The following ITGA9 variants were observed in gnomAD, a reference collection of about 807,000 sequenced individuals.
ITGA9 encodes the protein integrin alpha-9.
Under a neutral mutation model 127.8 loss-of-function variants are expected in ITGA9, and 56 were observed. That is an observed-to-expected ratio of 0.44 (90% CI 0.35 to 0.55). The LOEUF is 0.55. Among genes scored for constraint, ITGA9 ranks in the 20% least tolerant of loss-of-function variants. The probability of loss-of-function intolerance (pLI) is 0.00; values close to 1 mark genes in which losing one functional copy is unlikely to be tolerated. For missense variants in ITGA9, 1,196 were observed against 1,347.1 expected (o/e 0.89, Z 1.76); for synonymous variants, 508 against 514.5 (o/e 0.99, Z 0.17).
chr3:37,662,257 G>A (rs1040365465), intron 17 of ITGA9, among the ~76,000 whole-genome samples: 1 of 152,198 alleles, frequency 6.6e-6, no homozygotes, highest in African/African-American at 2.4e-5. Context: ...ACAAAAATTA[G>A]CCAGGCGTGG....
intron 18 of ITGA9, among the ~76,000 whole-genome samples, chr3:37,697,390 G>C (rs1171183181): frequency 6.6e-6 from 1 of 151,146 alleles, no homozygotes; most frequent in Admixed American, 6.6e-5. Context: ...CAACGTGCAG[G>C]TTTGTTACAT....
intron 17 of ITGA9, among the ~76,000 whole-genome samples, chr3:37,668,800 G>T (rs1464524643): frequency 6.6e-6 from 1 of 152,238 alleles, no homozygotes; most frequent in Non-Finnish European, 1.5e-5. Flanking sequence ...AGGCTGCCCT[G>T]TGGCTCTTCA....
At chr3:37,813,278 T>A (rs939114591) in intron 27 of ITGA9, among the ~76,000 whole-genome samples, 11 of 152,250 alleles carry the variant, frequency 7.2e-5, no homozygotes, top group African/African-American at 2.4e-4. Context: ...AAACCCATCA[T>A]AAAGTCAAAA....
At chr3:37,514,405 A>G (rs960769275) in intron 9 of ITGA9, among the ~76,000 whole-genome samples, 4 of 152,142 alleles carry the variant, frequency 2.6e-5, no homozygotes, top group Non-Finnish European at 5.9e-5. Flanking sequence ...GGAGGACACA[A>G]TGGCTGGGGA....
chr3:37,676,641 C>T (rs943563504), intron 17 of ITGA9, among the ~76,000 whole-genome samples: 5 of 152,224 alleles, frequency 3.3e-5, no homozygotes, highest in Non-Finnish European at 5.9e-5. Flanking sequence ...TTTTTAATAT[C>T]TTCACTTTGG....
intron 27 of ITGA9, 76 bp downstream of exon 27, chr3:37,804,018 A>T: frequency 1.2e-6 from 2 of 1,606,686 alleles, no homozygotes; most frequent in Non-Finnish European, 1.7e-6. Context: ...CCAGGGAAGA[A>T]GGAGTATCCT....
chr3:37,558,940 A>C (rs1225920056), intron 15 of ITGA9, among the ~76,000 whole-genome samples: 3 of 151,994 alleles, frequency 2.0e-5, no homozygotes, highest in Non-Finnish European at 4.4e-5. Context: ...TCTGGTGCTG[A>C]GCTCCCTCAC....
intron 15 of ITGA9, among the ~76,000 whole-genome samples, chr3:37,591,545 T>C (rs555714629): frequency 6.6e-6 from 1 of 152,052 alleles, no homozygotes; most frequent in Admixed American, 6.6e-5. Flanking sequence ...AGGAGGAAGA[T>C]TTCTCTGGGG....
rs1423018237 is a variant in ITGA9, at chr3:37,505,585, A to G, written c.743-415A>G. On this transcript the variant is annotated intron_variant, in intron 6 of 27. Transcript: ENST00000264741. Reference sequence around the variant, plus strand: ...TATTGACTGGGAAAGGGCATGAGGGAACCCTCTGGGGTTATGGTTCTGTGG... The same window carrying G: ...TATTGACTGGGAAAGGGCATGAGGGGACCCTCTGGGGTTATGGTTCTGTGG... Among the ~76,000 whole-genome samples the G allele has an allele frequency of 2.0e-5, 3 of 152,252 alleles. No individual in the cohort carries two copies. In the East Asian group the frequency reaches 5.8e-4, roughly 29 times the overall value.
At chr3:37,737,184 T>G (rs540680355) in intron 20 of ITGA9, among the ~76,000 whole-genome samples, 1 of 152,192 alleles carries the variant, frequency 6.6e-6, no homozygotes, top group Non-Finnish European at 1.5e-5. Context: ...TAGCCGCCAC[T>G]GCAGATTGAA....
chr3:37,750,534 G>T lies in ITGA9; in HGVS notation c.2506G>T (p.Gly836Cys). 2 of 1,613,532 alleles carry T rather than the reference G, an allele frequency of 1.2e-6. No individual in the cohort carries two copies. Among genetic ancestry groups the T allele is most frequent in the Non-Finnish European group, 1.7e-6 (2 of 1,179,434 alleles). Residue 836 changes from glycine to cysteine, a missense_variant, in exon 23 of 28, where the codon GGT becomes TGT. By Grantham distance (159) the Gly-to-Cys change is radical. Coordinates refer to ENST00000264741, the MANE Select transcript of ITGA9 (RefSeq NM_002207.3). ...SISFPNRLSS[G>C]GAEMFHVQEM... ...CTCTTTCCCTAATCGACTCTCATCT[G>T]GTGGTGCAGAGATGTTTCATGTCCA...
intron 15 of ITGA9, among the ~76,000 whole-genome samples, chr3:37,581,835 T>C (rs1052203396): frequency 2.8e-4 from 42 of 152,292 alleles, no homozygotes; most frequent in Middle Eastern, 3.4e-3. Context: ...TGTAGTGGCA[T>C]GACTATTACA....
chr3:37,640,509 G>T (rs565275712), intron 16 of ITGA9, among the ~76,000 whole-genome samples: 1 of 152,210 alleles, frequency 6.6e-6, no homozygotes, highest in African/African-American at 2.4e-5. Flanking sequence ...CTCCCCCAGG[G>T]CCTCTAGATA....
intron 20 of ITGA9, among the ~76,000 whole-genome samples, chr3:37,738,573 G>T (rs1696393916): frequency 6.6e-6 from 1 of 152,218 alleles, no homozygotes; most frequent in Non-Finnish European, 1.5e-5. Flanking sequence ...GTGGCACAGT[G>T]CAACAGCTTG....
At chr3:37,509,362 A>G (rs150369876) in intron 8 of ITGA9, among the ~76,000 whole-genome samples, 43 of 152,294 alleles carry the variant, frequency 2.8e-4, no homozygotes, top group African/African-American at 9.4e-4. Flanking sequence ...GGCTTAGATC[A>G]GCAGGACTGT....
intron 1 of ITGA9, among the ~76,000 whole-genome samples, chr3:37,467,890 T>C (rs1404820550): frequency 6.6e-6 from 1 of 152,210 alleles, no homozygotes; most frequent in African/African-American, 2.4e-5. Flanking sequence ...GCTGGTCTTA[T>C]GAAGCGCAAT....
chr3:37,669,377 CTAGAT>C (rs1441333964), intron 17 of ITGA9, among the ~76,000 whole-genome samples: 2 of 152,208 alleles, frequency 1.3e-5, no homozygotes, highest in Non-Finnish European at 2.9e-5. Context: ...CTGGTTGAGG[CTAGAT>C]TCCCCCTGTG....
chr3:37,629,415 A>C lies in ITGA9; in HGVS notation c.1839+79A>C. On this transcript the variant is annotated intron_variant, in intron 16 of 27. Coordinates refer to ENST00000264741, the MANE Select transcript of ITGA9 (RefSeq NM_002207.3). The surrounding 1 kb of genome is among the most constrained non-coding windows in gnomAD (Gnocchi z 4.5). ...GAAATAATGGCCCAAAAGTTGAGAG[A>C]GCCGTGGGCCTGGCTGCTCAGGAGA... 1 of 1,540,736 alleles carries C rather than the reference A, an allele frequency of 6.5e-7. No homozygotes were observed. The highest frequency in any genetic ancestry group is 8.9e-7 in the Non-Finnish European group (1 of 1,128,470).
intron 3 of ITGA9, among the ~76,000 whole-genome samples, chr3:37,475,209 A>G (rs551632115): frequency 5.9e-5 from 9 of 152,222 alleles, no homozygotes; most frequent in Non-Finnish European, 1.3e-4. Flanking sequence ...CATTCTGGGG[A>G]AAGAAAGGGA....
Sources: gnomAD v4.1 joint callset for allele counts (sites outside exome capture counted in the v4.1 genomes callset) on GRCh38, gnomAD v4.1.1 for gene constraint, Gnocchi (gnomAD v3.1) non-coding constraint, MANE v1.5 for transcripts, NCBI Gene and HGNC (gene_info 2026-07-23, HGNC 2026-07-21) for gene names.